The following IQSEC1 variants were observed in gnomAD, a reference collection of about 807,000 sequenced individuals.
The protein encoded by IQSEC1 is IQ motif and Sec7 domain ArfGEF 1.
Under a neutral mutation model 91.0 loss-of-function variants are expected in IQSEC1, and 31 were observed. The ratio of observed to expected loss-of-function variants is 0.34; its 90% CI spans 0.26 to 0.46. The LOEUF (loss-of-function observed/expected upper bound fraction) is 0.46, where lower values mean the gene tolerates loss of function less well. Among genes scored for constraint, IQSEC1 ranks in the 20% least tolerant of loss-of-function variants. IQSEC1 has a pLI of 1.00. For missense variants in IQSEC1, 1,388 were observed against 1,575.6 expected, an observed-to-expected ratio of 0.88 and a Z score of 2.02; for synonymous variants, 699 against 662.6, an observed-to-expected ratio of 1.05 and a Z score of -0.84.
In IQSEC1 at chr3:12,992,764, AGGG is replaced by A. The variant is rs1255411821; in HGVS notation, c.24-50902_24-50900del. Among the ~76,000 whole-genome samples, 1 of 152,172 alleles carries A rather than the reference AGGG, an allele frequency of 6.6e-6. No homozygotes were observed. Among genetic ancestry groups the A allele is most frequent in the Non-Finnish European group, 1.5e-5 (1 of 68,018 alleles). On this transcript the variant is annotated intron_variant, in intron 1 of 13. Coordinates refer to ENST00000613206, the MANE Select transcript of IQSEC1 (RefSeq NM_001134382.3). The surrounding 1 kb of genome is among the most constrained non-coding windows in gnomAD (Gnocchi z 4.1). ...TCATCTCCTGGACAAGGCCAGGGGG[AGGG>A]GACACCCACTGTCACCTTTCTGCTC...
chr3:13,266,731 C>T (rs996972706), intron 1 of IQSEC1, among the ~76,000 whole-genome samples: 1 of 152,116 alleles, frequency 6.6e-6, no homozygotes, highest in African/African-American at 2.4e-5. Context: ...TCCCCAGGGT[C>T]CCTGAAGGAT....
intron 2 of IQSEC1, among the ~76,000 whole-genome samples, chr3:13,130,695 G>A (rs919295473): frequency 1.3e-5 from 2 of 152,110 alleles, no homozygotes; most frequent in Non-Finnish European, 2.9e-5. Context: ...CCAACACTTT[G>A]GGAGGCTGAG....
chr3:12,906,931 G>A (rs2125053943), intron 12 of IQSEC1, among the ~76,000 whole-genome samples: 1 of 152,326 alleles, frequency 6.6e-6, no homozygotes, highest in Middle Eastern at 3.4e-3. Context: ...TGTTTCACAA[G>A]GCCACTGGGG....
intron 1 of IQSEC1, among the ~76,000 whole-genome samples, chr3:13,182,006 TG>T (rs1423443292): frequency 6.6e-6 from 1 of 152,218 alleles, no homozygotes; most frequent in African/African-American, 2.4e-5. Context: ...AACATTTATA[TG>T]TTTAGTGAAT....
At chr3:13,238,232 CAAG>C (rs1694965686) in intron 1 of IQSEC1, among the ~76,000 whole-genome samples, 1 of 152,224 alleles carries the variant, frequency 6.6e-6, no homozygotes, top group South Asian at 2.1e-4. Context: ...CTGGTCCTGG[CAAG>C]ACACATGCAG....
intron 2 of IQSEC1, among the ~76,000 whole-genome samples, chr3:13,133,652 G>C (rs1706658728): frequency 6.6e-6 from 1 of 152,220 alleles, no homozygotes; most frequent in South Asian, 2.1e-4. Context: ...TCACACGGGG[G>C]TTAGCAAACT....
chr3:13,081,505 T>A (rs1243676676), intron 2 of IQSEC1, among the ~76,000 whole-genome samples: 2 of 151,816 alleles, frequency 1.3e-5, no homozygotes, highest in East Asian at 3.9e-4. Context: ...CTGGCACCAA[T>A]GGATCCTCCC....
chr3:13,149,693 A>G (rs1468011220), intron 2 of IQSEC1, among the ~76,000 whole-genome samples: 1 of 150,918 alleles, frequency 6.6e-6, no homozygotes, highest in Non-Finnish European at 1.5e-5. Flanking sequence ...TGCCTGACCC[A>G]GGCCCTGGCA....
At chr3:13,038,260 G>GTATA (rs1452632242) in intron 1 of IQSEC1, among the ~76,000 whole-genome samples, 820 of 62,126 alleles carry the variant, frequency 0.013, 3 homozygotes, top group Middle Eastern at 0.042. Context: ...GTGTGTGTGT[G>GTATA]TGTATATATA....
rs1213192773 is a variant in IQSEC1, at chr3:12,908,562, C to G, written c.2579-37G>C. ...AGGGTGAGGGTCCTGGTGAGAGGAG[C>G]ACAGCCTAGAGTGGGCAGGAGACGG... On this transcript the variant is annotated intron_variant, in intron 11 of 13. Coordinates refer to ENST00000613206, the MANE Select transcript of IQSEC1 (RefSeq NM_001134382.3). This position sits in a 1 kb window ranked among gnomAD's most constrained non-coding sequence, Gnocchi z 4.9. The G allele has an allele frequency of 1.9e-6, 3 of 1,611,178 alleles. No individual in the cohort carries two copies. The highest frequency in any genetic ancestry group is 2.5e-6 in the Non-Finnish European group (3 of 1,178,696).
intron 2 of IQSEC1, among the ~76,000 whole-genome samples, chr3:13,143,019 T>C (rs967326499): frequency 6.6e-6 from 1 of 152,220 alleles, no homozygotes; most frequent in Non-Finnish European, 1.5e-5. Context: ...CCCTTCTCTG[T>C]CCACCTTCCA....
rs1237105674 is a variant in IQSEC1, at chr3:13,219,552, G to A, written c.273-55419C>T. ...GAGCGCTGCCTCATTAATACTCATC[G>A]CCACTTCACCAACACCCACCCGGCG... is the stretch of plus-strand genomic sequence containing the variant. On this transcript the variant is annotated intron_variant, in intron 1 of 15. Coordinates refer to the IQSEC1 transcript ENST00000648114. Among the ~76,000 whole-genome samples, 8 of 152,362 alleles carry A rather than the reference G, an allele frequency of 5.3e-5. No homozygotes were observed. In the East Asian group the frequency reaches 1.4e-3, roughly 26 times the overall value.
At position 13,045,297 on chromosome 3, in the gene IQSEC1, T is replaced by C. The variant is rs149157677; in HGVS notation, c.23+27695A>G. ...GCTCTTGTCACCACTTGACACGTTA[T>C]GTTAAAAACCAGTTTCTTTTTCTGC... On this transcript the variant is annotated intron_variant, in intron 1 of 13. Coordinates refer to ENST00000613206, the MANE Select transcript of IQSEC1 (RefSeq NM_001134382.3). Among the ~76,000 whole-genome samples the C allele has an allele frequency of 3.8e-4, 58 of 152,364 alleles. No individual in the cohort carries two copies. The East Asian group carries it at 0.011, about 28-fold the overall frequency.
intron 1 of IQSEC1, among the ~76,000 whole-genome samples, chr3:13,209,142 G>T (rs1270944174): frequency 6.6e-6 from 1 of 152,182 alleles, no homozygotes; most frequent in Non-Finnish European, 1.5e-5. Flanking sequence ...ATATTCAGGG[G>T]CAGGGACACA....
chr3:12,902,681 A>AG (rs1406867210), intron 13 of IQSEC1, 92 bp downstream of exon 13: 5 of 629,086 alleles, frequency 7.9e-6, no homozygotes, highest in Non-Finnish European at 1.3e-5. Context: ...AAAAAAAAAA[A>AG]AAAAAAAAAA....
intron 1 of IQSEC1, among the ~76,000 whole-genome samples, chr3:13,019,930 G>A (rs932159389): frequency 6.6e-6 from 1 of 152,336 alleles, no homozygotes; most frequent in Admixed American, 6.5e-5. Flanking sequence ...GAGGCACAGA[G>A]AGGCCAGTCT....
intron 2 of IQSEC1, among the ~76,000 whole-genome samples, chr3:13,154,438 C>CACATATATATATATATAT (rs1277879413): frequency 0.02 from 424 of 20,752 alleles, 103 homozygotes; most frequent in Middle Eastern, 0.053. Context: ...AACTTACATG[C>CACATATATATATATATAT]ATATATATAT....
At chr3:13,141,695 T>C (rs979804566) in intron 2 of IQSEC1, among the ~76,000 whole-genome samples, 22 of 152,118 alleles carry the variant, frequency 1.4e-4, no homozygotes, top group Non-Finnish European at 4.4e-5. Flanking sequence ...GAGGGACCCC[T>C]CCCCTCCTCG....
intron 2 of IQSEC1, among the ~76,000 whole-genome samples, chr3:13,159,655 A>G (rs760222281): frequency 6.6e-6 from 1 of 152,202 alleles, no homozygotes; most frequent in Admixed American, 6.5e-5. Context: ...AGGGCCAATA[A>G]TAACTCTCTT....
Sources: allele counts gnomAD v4.1 joint callset (sites outside exome capture counted in the v4.1 genomes callset), GRCh38; gene constraint gnomAD v4.1.1; non-coding constraint Gnocchi (gnomAD v3.1); transcripts MANE v1.5; gene names NCBI Gene and HGNC (gene_info 2026-07-23, HGNC 2026-07-21).